The following BICC1 variants were observed in gnomAD, a reference collection of about 807,000 sequenced individuals.
The protein encoded by BICC1 is BicC family RNA binding protein 1, also known as protein bicaudal C homolog 1.
In BICC1, 43 loss-of-function variants were observed where a neutral mutation model predicts 111.0. That is an observed-to-expected ratio of 0.39 (90% CI 0.30 to 0.50). The LOEUF (loss-of-function observed/expected upper bound fraction) is 0.50, where lower values mean the gene tolerates loss of function less well. Among genes scored for constraint, BICC1 ranks in the 20% least tolerant of loss-of-function variants. BICC1 has a pLI of 0.88. For missense variants in BICC1, 1,091 were observed against 1,203.2 expected (o/e 0.91, Z 1.38); for synonymous variants, 467 against 434.4 (o/e 1.07, Z -0.93).
At chr10:58,715,673 C>G in intron 3 of BICC1, 3 of 1,599,734 alleles carry the variant, frequency 1.9e-6, no homozygotes, top group Non-Finnish European at 1.7e-6. Context: ...CAAGGCCTAC[C>G]TGGGAAGAAG....
chr10:58,703,177 T>TTC (rs1840290040), intron 3 of BICC1, among the ~76,000 whole-genome samples: 2 of 150,662 alleles, frequency 1.3e-5, no homozygotes, highest in Non-Finnish European at 3.0e-5. Context: ...TTTTTTTTTT[T>TTC]TTTTGGAGAC....
At chr10:58,793,805 T>C (rs919084365) in intron 9 of BICC1, among the ~76,000 whole-genome samples, 190 bp downstream of exon 9, 12 of 152,136 alleles carry the variant, frequency 7.9e-5, no homozygotes, top group African/African-American at 2.7e-4. Context: ...GAAATGCTCA[T>C]TGGAGCATTT....
chr10:58,570,060 C>T (rs1029781461), intron 1 of BICC1, among the ~76,000 whole-genome samples: 3 of 152,136 alleles, frequency 2.0e-5, no homozygotes, highest in Admixed American at 6.6e-5. Context: ...TCTGTTGTTT[C>T]CTGACATCAG....
intron 1 of BICC1, among the ~76,000 whole-genome samples, chr10:58,589,177 C>T (rs1309472437): frequency 3.9e-5 from 6 of 152,170 alleles, no homozygotes; most frequent in African/African-American, 4.8e-5. Flanking sequence ...CCCACTCACA[C>T]GCTCATCCAT....
intron 1 of BICC1, among the ~76,000 whole-genome samples, chr10:58,609,434 GTTA>G (rs1443095273): frequency 6.6e-6 from 1 of 152,222 alleles, no homozygotes; most frequent in African/African-American, 2.4e-5. Flanking sequence ...AGCAAAGTTA[GTTA>G]TTATTCCCTA....
chr10:58,781,012 CAT>C (rs1842869679), intron 3 of BICC1, among the ~76,000 whole-genome samples: 1 of 152,054 alleles, frequency 6.6e-6, no homozygotes, highest in African/African-American at 2.4e-5. Context: ...GCATTATTCA[CAT>C]ATAAAATACC....
chr10:58,794,532 C>G (rs1477991774), intron 9 of BICC1, among the ~76,000 whole-genome samples: 1 of 151,892 alleles, frequency 6.6e-6, no homozygotes, highest in African/African-American at 2.4e-5. Flanking sequence ...GGTTCTCCCA[C>G]CTCAGCCTCC....
At chr10:58,737,158 C>CAT (rs976594893) in intron 3 of BICC1, among the ~76,000 whole-genome samples, 48 of 152,074 alleles carry the variant, frequency 3.2e-4, no homozygotes, top group African/African-American at 1.2e-3. Flanking sequence ...AGGTTTGTTA[C>CAT]ATATATATAC....
intron 10 of BICC1, among the ~76,000 whole-genome samples, chr10:58,797,013 G>A (rs934819800): frequency 2.0e-5 from 3 of 152,144 alleles, no homozygotes; most frequent in African/African-American, 4.8e-5. Context: ...AGGAAATCTA[G>A]TCAGAGGCCA....
intron 3 of BICC1, among the ~76,000 whole-genome samples, chr10:58,783,545 T>C (rs1171179436): frequency 6.6e-6 from 1 of 152,146 alleles, no homozygotes; most frequent in Non-Finnish European, 1.5e-5. Context: ...GTGATTCTCA[T>C]GCCTTATCCT....
intron 3 of BICC1, among the ~76,000 whole-genome samples, chr10:58,753,400 C>T (rs1044797809): frequency 6.6e-6 from 1 of 152,150 alleles, no homozygotes; most frequent in African/African-American, 2.4e-5. Flanking sequence ...ACCTCCAGGG[C>T]TCAAGTGATC....
chr10:58,764,572 T>A (rs900737536), intron 3 of BICC1, among the ~76,000 whole-genome samples: 6 of 151,182 alleles, frequency 4.0e-5, no homozygotes, highest in Non-Finnish European at 7.4e-5. Context: ...AGCATAAAAC[T>A]GATGCCAGAG....
chr10:58,629,996 G>A (rs996206654), intron 2 of BICC1, among the ~76,000 whole-genome samples: 1 of 152,128 alleles, frequency 6.6e-6, no homozygotes, highest in Non-Finnish European at 1.5e-5. Flanking sequence ...AGAGGAGAAG[G>A]CCTTATTTTG....
intron 2 of BICC1, among the ~76,000 whole-genome samples, chr10:58,624,194 C>T (rs953995924): frequency 3.3e-5 from 5 of 152,104 alleles, no homozygotes; most frequent in Admixed American, 1.3e-4. Flanking sequence ...CTCTGTGTGC[C>T]TGTCTCTATG....
At chr10:58,522,372 A>C (rs1842415230) in intron 1 of BICC1, among the ~76,000 whole-genome samples, 1 of 152,170 alleles carries the variant, frequency 6.6e-6, no homozygotes, top group Non-Finnish European at 1.5e-5. Context: ...ACCACAGTGC[A>C]ATCAAACTAG....
intron 2 of BICC1, among the ~76,000 whole-genome samples, chr10:58,640,489 C>G (rs533737644): frequency 6.6e-6 from 1 of 152,304 alleles, no homozygotes. Flanking sequence ...ATGGACTGCC[C>G]TTCTTCCCTT....
At chr10:58,694,006 A>G (rs1048898926) in intron 2 of BICC1, among the ~76,000 whole-genome samples, 3 of 152,132 alleles carry the variant, frequency 2.0e-5, no homozygotes, top group African/African-American at 7.2e-5. Context: ...TCATATCTCC[A>G]TCTTTTTTGT....
At chr10:58,651,563 A>G (rs1838449325) in intron 2 of BICC1, among the ~76,000 whole-genome samples, 2 of 152,130 alleles carry the variant, frequency 1.3e-5, no homozygotes, top group Non-Finnish European at 2.9e-5. Flanking sequence ...CAGTGTTCCA[A>G]TCCTAACCTT....
intron 20 of BICC1, among the ~76,000 whole-genome samples, chr10:58,820,843 TG>T (rs1844232213): frequency 6.6e-6 from 1 of 152,166 alleles, no homozygotes. Flanking sequence ...ATGTTTCAAA[TG>T]TTTGTGTCCT....
Sources: allele counts gnomAD v4.1 joint callset (sites outside exome capture counted in the v4.1 genomes callset), GRCh38; gene constraint gnomAD v4.1.1; transcripts MANE v1.5; gene names NCBI Gene and HGNC (gene_info 2026-07-23, HGNC 2026-07-21).